The following SV2C variants were observed in gnomAD, a reference collection of about 807,000 sequenced individuals.
The protein encoded by SV2C is solute carrier family 22 member B3.
In SV2C, 49 loss-of-function variants were observed where a neutral mutation model predicts 79.7. That is an observed-to-expected ratio of 0.61 (90% CI 0.49 to 0.78). SV2C has a LOEUF of 0.78. SV2C is among the 30% of genes least tolerant of loss of function. SV2C has a pLI of 0.00. For synonymous variants in SV2C, 334 were observed against 333.2 expected (o/e 1.00, Z -0.03); for missense variants, 833 against 912.9 (o/e 0.91, Z 1.13).
chr5:76,102,078 A>G (rs1168980108), intron 1 of SV2C, among the ~76,000 whole-genome samples: 1 of 152,114 alleles, frequency 6.6e-6, no homozygotes, highest in Non-Finnish European at 1.5e-5. Flanking sequence ...CCATTATCCT[A>G]CCTGAATGAC....
Position 76,285,234 on chromosome 5 carries a change from C to T in SV2C, c.986C>T (p.Pro329Leu). 1.9e-6 allele frequency: 3 copies of T among 1,614,198 alleles called. No homozygotes were observed. The highest frequency in any genetic ancestry group is 2.5e-6 in the Non-Finnish European group (3 of 1,180,032). The change falls in exon 5 of 13, where the codon CCC becomes CTC. Residue 329 changes from proline (P) to leucine (L), a missense_variant. Transcript: ENST00000502798. ...WRVFVIVCALPCVSSVVALTF... is the reference protein window; with the variant it reads ...WRVFVIVCALLCVSSVVALTF... ...GTGTTTGTCATCGTCTGTGCACTCC[C>T]CTGTGTCTCCTCCGTGGTGGCCCTC... is the stretch of plus-strand genomic sequence containing the variant.
At chr5:75,988,929 A>C in the SV2C span, among the ~76,000 whole-genome samples, 1 of 151,906 alleles carries the variant, frequency 6.6e-6, no homozygotes, top group Non-Finnish European at 1.5e-5. Flanking sequence ...ACCTCACTGC[A>C]TTAGTTTCCT....
In SV2C at chr5:76,330,860, T is replaced by TTTTGGG. The variant is rs1554048529; in HGVS notation, c.*5313_*5314insTTTGGG. 14 of 13,632 alleles carry TTTTGGG rather than the reference T, an allele frequency of 1.0e-3. No homozygotes were observed. Among genetic ancestry groups the TTTTGGG allele is most frequent in the African/African-American group, 2.4e-3 (10 of 4,126 alleles). The allele number at this position is 13,632 out of a possible 1,614,324, so 0.8% of individuals were successfully genotyped here. A position where few individuals can be genotyped will look rare whatever the true frequency, so the allele number is the denominator to read the frequency against. On this transcript the variant is annotated 3_prime_UTR_variant, in exon 13 of 13. Coordinates refer to ENST00000502798, the MANE Select transcript of SV2C (RefSeq NM_014979.4). ...CTCTAGAGCATTTTTTTTTTTTTTT[T>TTTTGGG]GGGCGGGGGGGCGGGGGACGGAGTC...
the SV2C span, among the ~76,000 whole-genome samples, chr5:76,056,611 G>A: frequency 6.7e-6 from 1 of 148,966 alleles, no homozygotes; most frequent in Non-Finnish European, 1.5e-5. Flanking sequence ...GAATCTGTCT[G>A]GTCCTGGGCT....
chr5:76,242,342 G>A (rs1212376604), intron 4 of SV2C: 12 of 1,409,654 alleles, frequency 8.5e-6, no homozygotes, highest in African/African-American at 1.4e-5. Flanking sequence ...GACGCGGGAC[G>A]CAGCGGCGCG....
intron 9 of SV2C, among the ~76,000 whole-genome samples, chr5:76,296,622 A>G (rs1245610441): frequency 6.6e-6 from 1 of 152,228 alleles, no homozygotes; most frequent in Admixed American, 6.5e-5. Context: ...GCCTGAACAA[A>G]TAATTGCCAG....
the SV2C span, among the ~76,000 whole-genome samples, chr5:75,973,896 A>G: frequency 6.6e-6 from 1 of 152,022 alleles, no homozygotes; most frequent in East Asian, 1.9e-4. Context: ...CAAAACATCT[A>G]GGAACATTGA....
chr5:75,951,284 G>A, the SV2C span, among the ~76,000 whole-genome samples: 1 of 151,954 alleles, frequency 6.6e-6, no homozygotes. Flanking sequence ...TTTTCCAATT[G>A]AGTGCAAACA....
chr5:76,054,662 C>T, the SV2C span, among the ~76,000 whole-genome samples: 2 of 151,680 alleles, frequency 1.3e-5, no homozygotes, highest in Admixed American at 1.3e-4. Flanking sequence ...TCTGTTGTTT[C>T]TTGACTTTTT....
At chr5:76,001,531 G>A in the SV2C span, among the ~76,000 whole-genome samples, 1 of 152,016 alleles carries the variant, frequency 6.6e-6, no homozygotes, top group African/African-American at 2.4e-5. Context: ...GAACCCGGGA[G>A]GTGGAGCTTG....
chr5:76,346,041 G>T (rs1309979057), intron 12 of SV2C, among the ~76,000 whole-genome samples: 2 of 152,150 alleles, frequency 1.3e-5, no homozygotes, highest in African/African-American at 2.4e-5. Context: ...ATTTAACAAC[G>T]ATCTCTCCAG....
At chr5:76,054,568 C>T in the SV2C span, among the ~76,000 whole-genome samples, 21 of 152,324 alleles carry the variant, frequency 1.4e-4, no homozygotes, top group South Asian at 4.4e-3. Flanking sequence ...GGAATCGCCA[C>T]ACTGACTTCC....
chr5:75,969,715 A>T, the SV2C span, among the ~76,000 whole-genome samples: 6 of 152,232 alleles, frequency 3.9e-5, no homozygotes, highest in South Asian at 6.2e-4. Flanking sequence ...CTCCCACTCA[A>T]TAATAATGGG....
intron 2 of SV2C, among the ~76,000 whole-genome samples, chr5:76,144,825 G>GT (rs34762528): frequency 0.35 from 52,558 of 151,592 alleles, 9,303 homozygotes; most frequent in South Asian, 0.44. Context: ...TTGATAGGAG[G>GT]TTTTTTTTTG....
intron 8 of SV2C, among the ~76,000 whole-genome samples, chr5:76,293,993 A>ATTC (rs1561302194): frequency 2.6e-5 from 4 of 152,186 alleles, no homozygotes; most frequent in Admixed American, 6.5e-5. Context: ...GTCACTGGGA[A>ATTC]TAAACTAGAG....
chr5:76,315,188 G>GCGCA (rs1554047415), intron 12 of SV2C, among the ~76,000 whole-genome samples: 9 of 145,096 alleles, frequency 6.2e-5, no homozygotes, highest in Admixed American at 1.4e-4. Context: ...ATGGCCAGGC[G>GCGCA]CACACACACA....
chr5:76,125,444 A>G (rs1561226469), intron 1 of SV2C, among the ~76,000 whole-genome samples: 1 of 152,180 alleles, frequency 6.6e-6, no homozygotes, highest in Non-Finnish European at 1.5e-5. Context: ...ATCTTAATAC[A>G]GTATTTCCAT....
the SV2C span, among the ~76,000 whole-genome samples, chr5:75,923,665 C>T: frequency 6.6e-6 from 1 of 152,206 alleles, no homozygotes; most frequent in East Asian, 1.9e-4. Context: ...AAAAAATGCT[C>T]AATAACGCTA....
chr5:76,102,984 T>C (rs1041091743), intron 1 of SV2C, among the ~76,000 whole-genome samples: 2 of 152,188 alleles, frequency 1.3e-5, no homozygotes, highest in Non-Finnish European at 2.9e-5. Flanking sequence ...TAATATTCTA[T>C]TGGACGTTGA....
Sources: gnomAD v4.1 joint callset for allele counts (sites outside exome capture counted in the v4.1 genomes callset) on GRCh38, gnomAD v4.1.1 for gene constraint, MANE v1.5 for transcripts, NCBI Gene and HGNC (gene_info 2026-07-23, HGNC 2026-07-21) for gene names.